The following ACLY variants were observed in gnomAD, a reference collection of about 807,000 sequenced individuals.
ACLY encodes the protein ATP citrate lyase, also known as ATP-citrate synthase.
In ACLY, 41 loss-of-function variants were observed where a neutral mutation model predicts 133.0. That is an observed-to-expected ratio of 0.31 (90% CI 0.24 to 0.40). The LOEUF is 0.40. Ranked by LOEUF, ACLY falls within the 10% of genes least tolerant of loss-of-function variation. The pLI is 1.00. For synonymous variants in ACLY, 495 were observed against 549.3 expected (o/e 0.90, Z 1.38); for missense variants, 1,046 against 1,453.8 (o/e 0.72, Z 4.56).
intron 1 of ACLY, among the ~76,000 whole-genome samples, chr17:41,924,670 G>A (rs1473019369): frequency 6.6e-6 from 1 of 152,142 alleles, no homozygotes; most frequent in African/African-American, 2.4e-5. Context: ...GCTCTCCAGG[G>A]AGATGCAGCC....
At position 41,892,351 on chromosome 17, in the gene ACLY, T is replaced by C. The variant is rs2049238964; in HGVS notation, c.1698A>G (p.Val566=). ...MADAMRKHPE[V]DVLINFASLR... ...GAGAGGCAAAGTTGATGAGCACATC[T>C]ACCTCCGGATGCTTCCTCATGGCAT... Residue 566 remains valine (V), a synonymous_variant, in exon 16 of 29, where the codon GTA becomes GTG. Transcript: ENST00000352035. The C allele has an allele frequency of 3.1e-6, 5 of 1,611,408 alleles. No individual in the cohort carries two copies. The highest frequency in any genetic ancestry group is 3.4e-6 in the Non-Finnish European group (4 of 1,179,430).
At chr17:41,900,069 C>CAAAAAAAAAAAAAAA (rs60296550) in intron 11 of ACLY, among the ~76,000 whole-genome samples, 11 of 46,628 alleles carry the variant, frequency 2.4e-4, no homozygotes, top group African/African-American at 4.6e-4. Context: ...ACCCTGTCTC[C>CAAAAAAAAAAAAAAA]AAAAAAAAAA....
At chr17:41,896,023 G>A (rs992112745) in intron 14 of ACLY, among the ~76,000 whole-genome samples, 1 of 152,048 alleles carries the variant, frequency 6.6e-6, no homozygotes, top group East Asian at 1.9e-4. Flanking sequence ...CACTAGATCC[G>A]CTGCACACCC....
At chr17:41,928,790 T>C (rs12943074) in intron 1 of ACLY, among the ~76,000 whole-genome samples, 5,742 of 150,500 alleles carry the variant, frequency 0.038, 392 homozygotes, top group African/African-American at 0.13. Context: ...GAGGCGGAGA[T>C]TGCAGTGAGC....
rs552797748 is a variant in ACLY at position 41,896,556 on chromosome 17, C to G, written c.1459+64G>C. 13 of 1,446,842 alleles carry G rather than the reference C, an allele frequency of 9.0e-6. No homozygotes were observed. The Admixed American group carries it at 2.4e-4, about 27-fold the overall frequency. The allele number at this position is 1,446,842 out of a possible 1,614,324, so 89.6% of individuals were successfully genotyped here. On this transcript the variant is annotated intron_variant, in intron 14 of 28. Coordinates refer to ENST00000352035, the MANE Select transcript of ACLY (RefSeq NM_001096.3). ...CCAGGGGAGGGGGAAACAGAGCACA[C>G]AGTAAAACTGTCACCCGCTAACAAA...
intron 26 of ACLY, 32 bp from the exon 27 acceptor site, chr17:41,869,157 CATT>C: frequency 6.5e-7 from 1 of 1,545,932 alleles, no homozygotes; most frequent in Non-Finnish European, 8.9e-7. Flanking sequence ...AAGCATTTAT[CATT>C]ATTTCTCATT....
chr17:41,887,029 CAGG>C (rs1555628273), intron 17 of ACLY, among the ~76,000 whole-genome samples: 1 of 148,836 alleles, frequency 6.7e-6, no homozygotes. Context: ...GAGGCTGAGG[CAGG>C]AGAATTGCTT....
In ACLY at chr17:41,907,467, G is replaced by A. The variant is rs150561917; in HGVS notation, c.722C>T (p.Pro241Leu). ...CTCTGGATATGCCTCCCGCCCGAAG[G>A]GGGGAGGGAACTCGATGTCACCCCA... Reference protein sequence around the residue: ...VKWGDIEFPPPFGREAYPEEA... With the variant: ...VKWGDIEFPPLFGREAYPEEA... Residue 241 changes from proline to leucine, a missense_variant, in exon 7 of 29, where the codon CCC (proline) becomes CTC (leucine). By Grantham distance (98) the Pro-to-Leu change is moderately conservative. Coordinates refer to ENST00000352035, the MANE Select transcript of ACLY (RefSeq NM_001096.3). 1.8e-5 allele frequency: 29 copies of A among 1,613,880 alleles called. No homozygotes were observed. The highest frequency in any genetic ancestry group is 3.3e-4 in the Middle Eastern group (2 of 6,082).
At chr17:41,904,264 G>A (rs1349788765) in intron 10 of ACLY, among the ~76,000 whole-genome samples, 1 of 102,602 alleles carries the variant, frequency 9.7e-6, no homozygotes, top group Non-Finnish European at 2.0e-5. Flanking sequence ...GGAGGGGAGG[G>A]AGGAAGGGAG....
rs1391437197 is a variant in ACLY, at chr17:41,905,437, C to T, written c.1003+85G>A. 3 of 1,566,232 alleles carry T rather than the reference C, an allele frequency of 1.9e-6. No individual in the cohort carries two copies. The African/African-American group carries it at 4.1e-5, about 21-fold the overall frequency. On this transcript the variant is annotated intron_variant, in intron 9 of 28. Coordinates refer to ENST00000352035, the MANE Select transcript of ACLY (RefSeq NM_001096.3). ...AAAGGACCACACACAGCCTTGGTGACTCCTCAGACGAAGCTGTCCCATTGC... is the reference window on the plus strand; with the variant it reads ...AAAGGACCACACACAGCCTTGGTGATTCCTCAGACGAAGCTGTCCCATTGC...
At position 41,882,398 on chromosome 17, in the gene ACLY, G is replaced by T. The variant is rs1393167957; in HGVS notation, c.2265+724C>A. On this transcript the variant is annotated intron_variant, in intron 20 of 28. Coordinates refer to ENST00000352035, the MANE Select transcript of ACLY (RefSeq NM_001096.3). ...AAAAAAAAAAAAAAAAAAAAAAAAA[G>T]TTGTTTCCAGTTTTTGCTGTTAATG... Among the ~76,000 whole-genome samples the T allele has an allele frequency of 1.6e-3, 54 of 33,174 alleles. 1 individual carries two copies. Among genetic ancestry groups the T allele is most frequent in the Admixed American group, 2.2e-3 (5 of 2,312 alleles). 21.8% of individuals were successfully genotyped at this position (33,174 alleles called of 152,430 possible).
intron 24 of ACLY, 65 bp downstream of exon 24, chr17:41,871,967 G>T: frequency 6.2e-7 from 1 of 1,601,892 alleles, no homozygotes; most frequent in South Asian, 1.1e-5. Flanking sequence ...CCCTGCTGTG[G>T]CAAAGCAGCA....
chr17:41,899,540 C>G (rs2049467643), intron 11 of ACLY, among the ~76,000 whole-genome samples: 1 of 152,116 alleles, frequency 6.6e-6, no homozygotes, highest in Admixed American at 6.5e-5. Flanking sequence ...CCAGCTCAAC[C>G]CAAGCACTAC....
At position 41,872,022 on chromosome 17, in the gene ACLY, C is replaced by T; in HGVS notation, c.2793+10G>A. On this transcript the variant is annotated intron_variant, in intron 24 of 28. Coordinates refer to ENST00000352035, the MANE Select transcript of ACLY (RefSeq NM_001096.3). Reference sequence around the variant, plus strand: ...CCCCACTGTTCACCTCCCATGATGACAGTACTTACGATGGTGAGCAGCCCC... The same window carrying T: ...CCCCACTGTTCACCTCCCATGATGATAGTACTTACGATGGTGAGCAGCCCC... 5.0e-6 allele frequency: 8 copies of T among 1,613,808 alleles called. No individual in the cohort carries two copies. Among genetic ancestry groups the T allele is most frequent in the Middle Eastern group, 1.7e-4 (1 of 6,048 alleles).
At chr17:41,904,650 A>C (rs1483132544) in intron 10 of ACLY, 79 bp downstream of exon 10, 4 of 1,420,324 alleles carry the variant, frequency 2.8e-6, no homozygotes, top group African/African-American at 2.8e-5. Flanking sequence ...GCTCTGGCTC[A>C]AACTCTGCTT....
intron 22 of ACLY, among the ~76,000 whole-genome samples, chr17:41,876,658 T>C (rs1391300223): frequency 2.0e-5 from 3 of 152,164 alleles, no homozygotes; most frequent in Non-Finnish European, 2.9e-5. Context: ...CCACTCAGGG[T>C]TAAATGGATT....
At chr17:41,897,665 A>AG in intron 13 of ACLY, 84 bp downstream of exon 13, 8 of 1,327,950 alleles carry the variant, frequency 6.0e-6, no homozygotes, top group Admixed American at 2.3e-5. Context: ...CTGCCAGCCC[A>AG]GGGGGGAAAG....
At chr17:41,893,492 T>C (rs1555629792) in intron 14 of ACLY, among the ~76,000 whole-genome samples, 5 of 152,240 alleles carry the variant, frequency 3.3e-5, no homozygotes, top group African/African-American at 1.2e-4. Flanking sequence ...CCTGCTTCAT[T>C]TCCCAGGCAA....
In ACLY at chr17:41,875,521, C is replaced by T. The variant is rs542189354; in HGVS notation, c.2488-1556G>A. ...AAGCTGGACTGTACTGCTGCCATCT[C>T]GGCTCACTGCAACCTCCCTGCCTGA... is the stretch of plus-strand genomic sequence containing the variant. On this transcript the variant is annotated intron_variant, in intron 22 of 28. Coordinates refer to ENST00000352035, the MANE Select transcript of ACLY (RefSeq NM_001096.3). 3.4e-3 allele frequency among the ~76,000 whole-genome samples: 518 copies of T among 151,426 alleles called. 9 individuals carry two copies. Among genetic ancestry groups the T allele is most frequent in the African/African-American group, 0.012 (501 of 41,256 alleles).
Sources: allele counts gnomAD v4.1 joint callset (sites outside exome capture counted in the v4.1 genomes callset), GRCh38; gene constraint gnomAD v4.1.1; transcripts MANE v1.5; gene names NCBI Gene and HGNC (gene_info 2026-07-23, HGNC 2026-07-21).